SDK1: variants seen among roughly 807,000 people sequenced by gnomAD.
SDK1 encodes sidekick cell adhesion molecule 1, also known as protein sidekick-1.
Under a neutral mutation model 245.5 loss-of-function variants are expected in SDK1, and 157 were observed. The observed-to-expected ratio is 0.64, with a 90% confidence interval of 0.56 to 0.73. SDK1 has a LOEUF of 0.73. Among genes scored for constraint, SDK1 ranks in the 30% least tolerant of loss-of-function variants. The pLI is 0.00. For missense variants in SDK1, 3,583 were observed against 3,002.3 expected, an observed-to-expected ratio of 1.19 and a Z score of -4.52; for synonymous variants, 1,647 against 1,278.5, an observed-to-expected ratio of 1.29 and a Z score of -6.15.
At chr7:3,784,370 CA>C (rs1367484036) in intron 4 of SDK1, among the ~76,000 whole-genome samples, 4 of 151,938 alleles carry the variant, frequency 2.6e-5, no homozygotes, top group African/African-American at 9.7e-5. Flanking sequence ...ATATAAAAAT[CA>C]ACTCAAAATG....
chr7:3,876,352 A>G (rs1050530833), intron 5 of SDK1, among the ~76,000 whole-genome samples: 9 of 152,178 alleles, frequency 5.9e-5, no homozygotes, highest in Admixed American at 1.3e-4. Flanking sequence ...TTGACATCCA[A>G]TGCTGCAGGT....
chr7:4,051,556 CAAAAT>C (rs1479561550), intron 18 of SDK1, 77 bp from the exon 19 acceptor site: 6 of 1,229,310 alleles, frequency 4.9e-6, no homozygotes, highest in East Asian at 5.1e-5. Flanking sequence ...TTTTAAAAGA[CAAAAT>C]AAAATTCTGC....
At chr7:3,443,213 T>A (rs1376376259) in intron 1 of SDK1, among the ~76,000 whole-genome samples, 1 of 152,140 alleles carries the variant, frequency 6.6e-6, no homozygotes, top group South Asian at 2.1e-4. Context: ...AACCTTGTGG[T>A]AGATAGCATT....
chr7:3,668,378 C>T (rs964742587), intron 4 of SDK1, among the ~76,000 whole-genome samples: 1 of 152,180 alleles, frequency 6.6e-6, no homozygotes, highest in Non-Finnish European at 1.5e-5. Context: ...CCAGAGACCC[C>T]AGTTCCTTTC....
chr7:4,102,208 T>C (rs940443088), intron 22 of SDK1, among the ~76,000 whole-genome samples: 1 of 152,044 alleles, frequency 6.6e-6, no homozygotes, highest in Admixed American at 6.5e-5. Flanking sequence ...CTCTGGGCCT[T>C]CCTGGTTTCC....
At chr7:3,858,645 T>C (rs1189224538) in intron 5 of SDK1, among the ~76,000 whole-genome samples, 2 of 152,046 alleles carry the variant, frequency 1.3e-5, no homozygotes, top group South Asian at 2.1e-4. Flanking sequence ...GAATGGTATA[T>C]CTGTACCATC....
chr7:3,962,557 C>G, intron 8 of SDK1, 100 bp from the exon 9 acceptor site: 2 of 1,035,646 alleles, frequency 1.9e-6, no homozygotes, highest in East Asian at 2.7e-5. Context: ...CAAGAAAATG[C>G]CTATTAAAAT....
At chr7:4,141,469 A>T (rs1779578319) in intron 28 of SDK1, among the ~76,000 whole-genome samples, 1 of 152,240 alleles carries the variant, frequency 6.6e-6, no homozygotes. Flanking sequence ...TAATGAAAAC[A>T]CGTCTGTAAC....
At chr7:3,652,473 G>A (rs140702699) in intron 4 of SDK1, among the ~76,000 whole-genome samples, 11 of 152,322 alleles carry the variant, frequency 7.2e-5, no homozygotes, top group African/African-American at 2.6e-4. Flanking sequence ...CTAACAGGAC[G>A]GAGCCAGAAT....
chr7:4,235,879 G>C (rs1266396852), intron 41 of SDK1, among the ~76,000 whole-genome samples: 1 of 152,252 alleles, frequency 6.6e-6, no homozygotes, highest in Non-Finnish European at 1.5e-5. Flanking sequence ...CCCCGTATGA[G>C]AGTCCTCCAG....
At chr7:3,475,447 C>G (rs1382266512) in intron 1 of SDK1, among the ~76,000 whole-genome samples, 1 of 152,226 alleles carries the variant, frequency 6.6e-6, no homozygotes, top group East Asian at 1.9e-4. Flanking sequence ...TGGAGCACGT[C>G]TCTCTCACTT....
chr7:3,850,751 G>A (rs929216012), intron 5 of SDK1, among the ~76,000 whole-genome samples: 3 of 150,938 alleles, frequency 2.0e-5, no homozygotes, highest in Admixed American at 6.7e-5. Context: ...GCAAACTATC[G>A]CAAGAACAAA....
intron 37 of SDK1, among the ~76,000 whole-genome samples, chr7:4,208,937 G>A (rs1422605612): frequency 6.6e-6 from 1 of 152,236 alleles, no homozygotes; most frequent in Admixed American, 6.5e-5. Context: ...TGGGCTCTGA[G>A]GAGCTCTCCA....
At chr7:3,935,943 G>A (rs577772446) in intron 5 of SDK1, among the ~76,000 whole-genome samples, 2 of 152,322 alleles carry the variant, frequency 1.3e-5, no homozygotes, top group South Asian at 4.1e-4. Context: ...TTGTATGCCT[G>A]TTTATAGCAG....
chr7:3,583,925 A>G (rs568738605), intron 1 of SDK1, among the ~76,000 whole-genome samples: 1 of 152,132 alleles, frequency 6.6e-6, no homozygotes, highest in East Asian at 1.9e-4. Flanking sequence ...GCTTGGAGTG[A>G]AGGTCCCGTA....
intron 3 of SDK1, among the ~76,000 whole-genome samples, chr7:3,639,931 G>A (rs567909237): frequency 1.3e-5 from 2 of 152,058 alleles, no homozygotes; most frequent in African/African-American, 4.8e-5. Flanking sequence ...CTCACTGCAA[G>A]CTTGAACTGG....
chr7:3,779,675 G>C (rs1780668365), intron 4 of SDK1, among the ~76,000 whole-genome samples: 1 of 152,150 alleles, frequency 6.6e-6, no homozygotes, highest in African/African-American at 2.4e-5. Context: ...GCTCACGCCT[G>C]TAATCCCAGC....
intron 1 of SDK1, among the ~76,000 whole-genome samples, chr7:3,399,367 A>G (rs1307081305): frequency 6.6e-6 from 1 of 152,108 alleles, no homozygotes; most frequent in Non-Finnish European, 1.5e-5. Flanking sequence ...GAATTAAAGG[A>G]AAGTATGAGC....
chr7:4,194,371 T>TGC (rs1232518244), intron 35 of SDK1, among the ~76,000 whole-genome samples: 6 of 101,548 alleles, frequency 5.9e-5, no homozygotes, highest in Non-Finnish European at 3.9e-5. Context: ...CGTATGTGTA[T>TGC]ACATGTATGT....
Sources: gnomAD v4.1 joint callset for allele counts (sites outside exome capture counted in the v4.1 genomes callset) on GRCh38, gnomAD v4.1.1 for gene constraint, MANE v1.5 for transcripts, NCBI Gene and HGNC (gene_info 2026-07-23, HGNC 2026-07-21) for gene names.